The following MGAT4C variants were observed in gnomAD, a reference collection of about 807,000 sequenced individuals.
MGAT4C encodes MGAT4 family member C.
MGAT4C carries 19 observed loss-of-function variants against 40.1 expected under a neutral mutation model. That is an observed-to-expected ratio of 0.47 (90% CI 0.33 to 0.70). The LOEUF (loss-of-function observed/expected upper bound fraction) is 0.70. Among genes scored for constraint, MGAT4C ranks in the 30% least tolerant of loss-of-function variants. The pLI, the probability that MGAT4C is intolerant of heterozygous loss-of-function variation, is 0.02. For missense variants in MGAT4C, 491 were observed against 563.2 expected, an observed-to-expected ratio of 0.87 and a Z score of 1.30; for synonymous variants, 181 against 187.1, an observed-to-expected ratio of 0.97 and a Z score of 0.27.
intron 1 of MGAT4C, among the ~76,000 whole-genome samples, chr12:86,183,146 T>C (rs1888313540): frequency 6.6e-6 from 1 of 152,216 alleles, no homozygotes; most frequent in Non-Finnish European, 1.5e-5. Flanking sequence ...ATGCTTTATG[T>C]TTTCACATAT....
chr12:86,810,273 A>T (rs546413873), intron 1 of MGAT4C, among the ~76,000 whole-genome samples: 5 of 151,910 alleles, frequency 3.3e-5, no homozygotes, highest in African/African-American at 1.2e-4. Flanking sequence ...AGAAATAATC[A>T]TGTAGTCTAC....
intron 1 of MGAT4C, among the ~76,000 whole-genome samples, chr12:86,160,318 G>C (rs1358039332): frequency 6.6e-6 from 1 of 151,998 alleles, no homozygotes; most frequent in African/African-American, 2.4e-5. Context: ...GGAGCAAGCT[G>C]TTTAATTTCC....
At chr12:86,136,732 G>T (rs939256147) in intron 1 of MGAT4C, among the ~76,000 whole-genome samples, 1 of 151,414 alleles carries the variant, frequency 6.6e-6, no homozygotes, top group East Asian at 1.9e-4. Flanking sequence ...CTTGTCATCC[G>T]GTCCGGCATG....
chr12:86,252,457 G>A (rs1401828291), intron 1 of MGAT4C, among the ~76,000 whole-genome samples: 1 of 151,964 alleles, frequency 6.6e-6, no homozygotes, highest in African/African-American at 2.4e-5. Flanking sequence ...CAACTGATAG[G>A]TTCTACGTAT....
intron 1 of MGAT4C, among the ~76,000 whole-genome samples, chr12:86,092,496 C>G (rs1873064454): frequency 6.6e-6 from 1 of 151,788 alleles, no homozygotes; most frequent in Non-Finnish European, 1.5e-5. Context: ...ATCTAAAACA[C>G]TAAAAAAAGA....
At chr12:86,130,019 T>C (rs1300861332) in intron 1 of MGAT4C, among the ~76,000 whole-genome samples, 2 of 152,130 alleles carry the variant, frequency 1.3e-5, no homozygotes, top group African/African-American at 4.8e-5. Flanking sequence ...GTGATGAAAG[T>C]TGGTTATGTA....
chr12:86,625,422 T>C (rs188968731), intron 2 of MGAT4C, among the ~76,000 whole-genome samples: 2 of 152,210 alleles, frequency 1.3e-5, no homozygotes, highest in East Asian at 3.9e-4. Context: ...ATATAGAAGT[T>C]ATTAAAAACA....
At chr12:86,205,670 G>T (rs1487189562) in intron 1 of MGAT4C, among the ~76,000 whole-genome samples, 1 of 151,836 alleles carries the variant, frequency 6.6e-6, no homozygotes, top group Non-Finnish European at 1.5e-5. Context: ...ACTACTAGAA[G>T]CCTTTAATGC....
intron 2 of MGAT4C, among the ~76,000 whole-genome samples, chr12:86,670,894 A>G (rs1046702272): frequency 2.6e-5 from 4 of 152,164 alleles, no homozygotes; most frequent in African/African-American, 4.8e-5. Context: ...TCTCGCTTTT[A>G]TGATTATTTT....
intron 1 of MGAT4C, among the ~76,000 whole-genome samples, chr12:86,833,168 A>C (rs563514707): frequency 6.6e-6 from 1 of 151,936 alleles, no homozygotes; most frequent in South Asian, 2.1e-4. Context: ...CAAAGTAGGA[A>C]ATTTGATCAA....
chr12:86,542,344 C>T (rs1565837556), intron 2 of MGAT4C, among the ~76,000 whole-genome samples: 1 of 118,762 alleles, frequency 8.4e-6, no homozygotes, highest in Non-Finnish European at 1.9e-5. Context: ...AGGTTCTACT[C>T]AGCTCCAACA....
intron 1 of MGAT4C, among the ~76,000 whole-genome samples, chr12:86,246,222 G>C (rs925940713): frequency 3.0e-4 from 35 of 115,566 alleles, no homozygotes; most frequent in African/African-American, 1.1e-3. Flanking sequence ...GTCTCGCTCA[G>C]TTGCCAAGGC....
chr12:86,617,639 G>C (rs1050409868), intron 2 of MGAT4C, among the ~76,000 whole-genome samples: 6 of 151,418 alleles, frequency 4.0e-5, no homozygotes, highest in Non-Finnish European at 7.4e-5. Context: ...AGTGCGCGGA[G>C]ATCCTGCCGC....
intron 2 of MGAT4C, among the ~76,000 whole-genome samples, chr12:86,579,636 A>C (rs1354082162): frequency 2.0e-5 from 3 of 151,518 alleles, no homozygotes; most frequent in Non-Finnish European, 4.4e-5. Context: ...TGTACTTACT[A>C]TTAGCTGTGA....
At chr12:86,096,674 T>G (rs1256089031) in intron 1 of MGAT4C, among the ~76,000 whole-genome samples, 1 of 151,664 alleles carries the variant, frequency 6.6e-6, no homozygotes, top group Non-Finnish European at 1.5e-5. Flanking sequence ...TATCACTTTT[T>G]ACATTTAGTT....
Position 85,971,698 on chromosome 12 carries a change from A to G in MGAT4C, c.*7591T>C, listed in dbSNP as rs1883630580. ...GGGAGTCAAGTTTTGATTTGCTTGA[A>G]TACAAGCAAGTCGAGCTATGGTAAT... On this transcript the variant is annotated 3_prime_UTR_variant, in exon 5 of 5. Coordinates refer to ENST00000611864, the MANE Select transcript of MGAT4C (RefSeq NM_001351288.2). 1 of 151,232 alleles carries G rather than the reference A, an allele frequency of 6.6e-6. No homozygotes were observed. Among genetic ancestry groups the G allele is most frequent in the Non-Finnish European group, 1.5e-5 (1 of 67,334 alleles). The allele number at this position is 151,232 out of a possible 1,614,324, so 9.4% of individuals were successfully genotyped here. A position where few individuals can be genotyped will look rare whatever the true frequency, so the allele number is the denominator to read the frequency against.
chr12:86,822,459 T>C (rs1233534835), intron 1 of MGAT4C, among the ~76,000 whole-genome samples: 1 of 151,002 alleles, frequency 6.6e-6, no homozygotes, highest in Non-Finnish European at 1.5e-5. Flanking sequence ...AAAATCTCTC[T>C]TTAGACACAT....
At chr12:86,705,718 C>T (rs1195444751) in intron 2 of MGAT4C, among the ~76,000 whole-genome samples, 1 of 151,968 alleles carries the variant, frequency 6.6e-6, no homozygotes, top group African/African-American at 2.4e-5. Flanking sequence ...TTATGAAGTA[C>T]AAAGTTAACT....
At chr12:86,298,681 C>T (rs1953738474) in intron 4 of MGAT4C, among the ~76,000 whole-genome samples, 1 of 151,944 alleles carries the variant, frequency 6.6e-6, no homozygotes, top group African/African-American at 2.4e-5. Context: ...TTTTAAAATT[C>T]TTATATTAAG....
Sources: gnomAD v4.1 joint callset for allele counts (sites outside exome capture counted in the v4.1 genomes callset) on GRCh38, gnomAD v4.1.1 for gene constraint, MANE v1.5 for transcripts, NCBI Gene and HGNC (gene_info 2026-07-23, HGNC 2026-07-21) for gene names.